Variants in PRKG1 observed in about 807,000 individuals in gnomAD.
The protein encoded by PRKG1 is cGMP-dependent protein kinase 1.
Under a neutral mutation model 88.1 loss-of-function variants are expected in PRKG1, and 35 were observed. The observed-to-expected ratio is 0.40, with a 90% CI of 0.30 to 0.53. The LOEUF (loss-of-function observed/expected upper bound fraction) is 0.53, where lower values mean the gene tolerates loss of function less well. Ranked by LOEUF, PRKG1 falls within the 20% of genes least tolerant of loss-of-function variation. The pLI, the probability that PRKG1 is intolerant of heterozygous loss-of-function variation, is 0.59. For synonymous variants in PRKG1, 303 were observed against 292.5 expected (o/e 1.04, Z -0.37); for missense variants, 540 against 839.8 (o/e 0.64, Z 4.41).
At chr10:51,666,440 G>T (rs1188799334) in intron 3 of PRKG1, among the ~76,000 whole-genome samples, 1 of 152,218 alleles carries the variant, frequency 6.6e-6, no homozygotes, top group African/African-American at 2.4e-5. Context: ...AACTAAAAGT[G>T]AGTGAATCCT....
intron 9 of PRKG1, among the ~76,000 whole-genome samples, chr10:52,209,163 G>T (rs887479484): frequency 6.6e-6 from 1 of 152,136 alleles, no homozygotes; most frequent in African/African-American, 2.4e-5. Flanking sequence ...AACTTTTTCT[G>T]CAGTGAGCTT....
chr10:52,106,621 G>A (rs920074953), intron 7 of PRKG1, among the ~76,000 whole-genome samples: 1 of 151,554 alleles, frequency 6.6e-6, no homozygotes, highest in Non-Finnish European at 1.5e-5. Flanking sequence ...TAAATGTTGA[G>A]TTATTCCGGG....
At chr10:51,441,715 G>T (rs1839112577) in intron 2 of PRKG1, among the ~76,000 whole-genome samples, 1 of 151,850 alleles carries the variant, frequency 6.6e-6, no homozygotes, top group African/African-American at 2.4e-5. Flanking sequence ...AATCAATTTT[G>T]CTCATTTATA....
At chr10:52,233,194 A>AC (rs1840569614) in intron 9 of PRKG1, among the ~76,000 whole-genome samples, 1 of 151,888 alleles carries the variant, frequency 6.6e-6, no homozygotes, top group Admixed American at 6.6e-5. Flanking sequence ...CAAAAAAAAA[A>AC]AAAGAGAGAG....
At chr10:52,099,004 A>G (rs1040179067) in intron 7 of PRKG1, among the ~76,000 whole-genome samples, 1 of 152,216 alleles carries the variant, frequency 6.6e-6, no homozygotes, top group Non-Finnish European at 1.5e-5. Context: ...TTAACAACAA[A>G]AATTTCTAAT....
intron 4 of PRKG1, among the ~76,000 whole-genome samples, chr10:51,805,469 T>C (rs1839280902): frequency 6.6e-6 from 1 of 152,072 alleles, no homozygotes; most frequent in African/African-American, 2.4e-5. Context: ...CACTTATTTT[T>C]AAAATTACTT....
At chr10:51,186,777 T>G in intron 2 of PRKG1, among the ~76,000 whole-genome samples, 1 of 151,760 alleles carries the variant, frequency 6.6e-6, no homozygotes, top group East Asian at 1.9e-4. Flanking sequence ...CCCCTCACTT[T>G]CAGGGAGAAT....
intron 4 of PRKG1, among the ~76,000 whole-genome samples, chr10:51,865,732 A>G (rs1840998085): frequency 6.6e-6 from 1 of 152,060 alleles, no homozygotes; most frequent in South Asian, 2.1e-4. Context: ...GTACTCAGGA[A>G]TGGTTTGGTA....
chr10:51,995,867 A>C (rs78877080), intron 5 of PRKG1, among the ~76,000 whole-genome samples: 2,050 of 152,348 alleles, frequency 0.013, 37 homozygotes, highest in Middle Eastern at 0.051. Flanking sequence ...AAATACAAAA[A>C]GAAAACATAG....
chr10:51,047,731 T>C (rs536377270), intron 1 of PRKG1, among the ~76,000 whole-genome samples: 164 of 152,194 alleles, frequency 1.1e-3, no homozygotes, highest in Non-Finnish European at 2.0e-3. Flanking sequence ...AAGTTTCAGT[T>C]GGCATTCAGC....
chr10:52,201,566 GT>G (rs1589695581), intron 9 of PRKG1, among the ~76,000 whole-genome samples: 1 of 151,972 alleles, frequency 6.6e-6, no homozygotes, highest in East Asian at 1.9e-4. Flanking sequence ...TTTTAGAATA[GT>G]TTTTTTCCTA....
At chr10:51,922,192 T>C (rs1842476897) in intron 5 of PRKG1, among the ~76,000 whole-genome samples, 1 of 151,470 alleles carries the variant, frequency 6.6e-6, no homozygotes, top group East Asian at 1.9e-4. Context: ...TTTAGAGTTG[T>C]TTATAATTTT....
At chr10:51,132,303 G>C (rs1167081093) in intron 1 of PRKG1, among the ~76,000 whole-genome samples, 1 of 152,002 alleles carries the variant, frequency 6.6e-6, no homozygotes, top group Non-Finnish European at 1.5e-5. Context: ...AGAAATTCCT[G>C]GTTCTCAGAG....
chr10:52,162,864 C>A (rs546541147), intron 9 of PRKG1, among the ~76,000 whole-genome samples: 2 of 152,098 alleles, frequency 1.3e-5, no homozygotes, highest in African/African-American at 4.8e-5. Context: ...CTCTGTATAA[C>A]CCTGAGGTCA....
intron 3 of PRKG1, among the ~76,000 whole-genome samples, chr10:51,529,766 TC>T: frequency 6.6e-6 from 1 of 152,196 alleles, no homozygotes; most frequent in Non-Finnish European, 1.5e-5. Context: ...TATATAGCTG[TC>T]CTATATACTT....
intron 1 of PRKG1, among the ~76,000 whole-genome samples, chr10:51,105,382 C>T (rs1291952266): frequency 6.6e-6 from 1 of 152,078 alleles, no homozygotes; most frequent in Non-Finnish European, 1.5e-5. Flanking sequence ...AGACTGATCT[C>T]CTACCTTGGA....
chr10:52,293,204 G>A (rs1455519871), intron 17 of PRKG1, among the ~76,000 whole-genome samples: 1 of 151,284 alleles, frequency 6.6e-6, no homozygotes, highest in African/African-American at 2.4e-5. Context: ...CAACTTCCAA[G>A]GGATGTGAAG....
intron 4 of PRKG1, among the ~76,000 whole-genome samples, chr10:51,878,001 G>A (rs1452066426): frequency 6.6e-6 from 1 of 152,134 alleles, no homozygotes; most frequent in Non-Finnish European, 1.5e-5. Flanking sequence ...TTGCCCATGT[G>A]TATGGATAAA....
chr10:51,971,299 T>C (rs531687084), intron 5 of PRKG1, among the ~76,000 whole-genome samples: 3 of 152,172 alleles, frequency 2.0e-5, no homozygotes, highest in African/African-American at 7.2e-5. Context: ...CTTCTCTATG[T>C]CCATTTAATT....
Sources: gnomAD v4.1 joint callset for allele counts (sites outside exome capture counted in the v4.1 genomes callset) on GRCh38, gnomAD v4.1.1 for gene constraint, MANE v1.5 for transcripts, NCBI Gene and HGNC (gene_info 2026-07-23, HGNC 2026-07-21) for gene names.